Variants in TP73 observed in about 807,000 individuals in gnomAD.
TP73 encodes the protein p53-like transcription factor.
In TP73, 25 loss-of-function variants were observed where a neutral mutation model predicts 62.5. That is an observed-to-expected ratio of 0.40 (90% CI 0.29 to 0.56). TP73 has a LOEUF of 0.56. Ranked by LOEUF, TP73 falls within the 20% of genes least tolerant of loss-of-function variation. The pLI is 0.46. For synonymous variants in TP73, 423 were observed against 377.5 expected (o/e 1.12, Z -1.40); for missense variants, 754 against 913.3 (o/e 0.83, Z 2.25).
At chr1:3,661,795 A>G (rs956078090) in intron 1 of TP73, among the ~76,000 whole-genome samples, 1 of 147,798 alleles carries the variant, frequency 6.8e-6, no homozygotes, top group Non-Finnish European at 1.5e-5. Flanking sequence ...ATATATACAT[A>G]CACTATATAT....
At chr1:3,722,929 ACCTGGCATGGGGCTGGACACCTCTCTGTG>A (rs2124482865) in intron 5 of TP73, among the ~76,000 whole-genome samples, 1 of 133,708 alleles carries the variant, frequency 7.5e-6, no homozygotes, top group South Asian at 2.5e-4. Context: ...ACCTCTCTGC[ACCTGGCATGGGGCTGGACACCTCTCTGTG>A]CCTGGCACAG....
intron 1 of TP73, among the ~76,000 whole-genome samples, chr1:3,667,166 A>G (rs1645137472): frequency 6.6e-6 from 1 of 152,142 alleles, no homozygotes. Flanking sequence ...GGATTGTCCC[A>G]GGGCCTCCAG....
Position 3,672,128 on chromosome 1 carries a change from A to T in TP73, c.-33-10205A>T, listed in dbSNP as rs1164621587. On this transcript the variant is annotated intron_variant, in intron 1 of 13. Coordinates refer to ENST00000378295, the MANE Select transcript of TP73 (RefSeq NM_005427.4). This position sits in a 1 kb window ranked among gnomAD's most constrained non-coding sequence, Gnocchi z 5.3. Reference sequence around the variant, plus strand: ...AGCGGGCGTGTCCCAGACCCCTTAGAGAAAAGCCCAGAGCCAGGGGTGAGG... The same window carrying T: ...AGCGGGCGTGTCCCAGACCCCTTAGTGAAAAGCCCAGAGCCAGGGGTGAGG... Among the ~76,000 whole-genome samples the T allele has an allele frequency of 2.0e-5, 3 of 151,982 alleles. No individual in the cohort carries two copies. The highest frequency in any genetic ancestry group is 4.8e-5 in the African/African-American group (2 of 41,368).
chr1:3,709,297 C>A (rs562233729), intron 4 of TP73, among the ~76,000 whole-genome samples: 7 of 152,302 alleles, frequency 4.6e-5, no homozygotes, highest in East Asian at 1.9e-4. Context: ...GGGCAGAGGA[C>A]CTGGCACCTC....
chr1:3,734,280 GAC>G lies in TP73; in HGVS notation c.*1203_*1204del, dbSNP rs1381696543. The G allele has an allele frequency of 2.6e-5, 4 of 152,262 alleles. No homozygotes were observed. The East Asian group carries it at 7.7e-4, about 29-fold the overall frequency. The allele number at this position is 152,262 out of a possible 1,614,324, so 9.4% of individuals were successfully genotyped here. ...CCAGGGAGTTAGTAGGCCCCGGGGAGACAGAGTCTGCACAGGCCCTTTCTGGG... is the reference window on the plus strand; with the variant it reads ...CCAGGGAGTTAGTAGGCCCCGGGGAGAGAGTCTGCACAGGCCCTTTCTGGG... On this transcript the variant is annotated 3_prime_UTR_variant, in exon 14 of 14. Transcript: ENST00000378295. The surrounding 1 kb of genome is among the most constrained non-coding windows in gnomAD (Gnocchi z 4.4).
chr1:3,715,915 G>A (rs1049198559), intron 4 of TP73, among the ~76,000 whole-genome samples: 12 of 152,320 alleles, frequency 7.9e-5, no homozygotes, highest in African/African-American at 2.6e-4. Context: ...TGCATGGGAC[G>A]AGGATCGAGC....
Position 3,672,528 on chromosome 1 carries a change from T to C in TP73, c.-33-9805T>C, listed in dbSNP as rs1645264811. 6.6e-6 allele frequency among the ~76,000 whole-genome samples: 1 copy of C among 152,028 alleles called. No homozygotes were observed. The highest frequency in any genetic ancestry group is 2.4e-5 in the African/African-American group (1 of 41,364). On this transcript the variant is annotated intron_variant, in intron 1 of 13. Coordinates refer to ENST00000378295, the MANE Select transcript of TP73 (RefSeq NM_005427.4). The surrounding 1 kb of genome is among the most constrained non-coding windows in gnomAD (Gnocchi z 5.3). ...AGGGCAGCGCTGTACTCATCACCTG[T>C]GAACACAGGTATCGACTCAGACACC...
At chr1:3,724,650 A>T (rs1641358385) in intron 6 of TP73, among the ~76,000 whole-genome samples, 1 of 152,220 alleles carries the variant, frequency 6.6e-6, no homozygotes, top group Admixed American at 6.5e-5. Context: ...CAAACCCCTA[A>T]TAGCTTTTGT....
At position 3,666,784 on chromosome 1, in the gene TP73, T is replaced by C. The variant is rs1645124774; in HGVS notation, c.-34+14143T>C. Among the ~76,000 whole-genome samples the C allele has an allele frequency of 6.6e-6, 1 of 152,232 alleles. No homozygotes were observed. Among genetic ancestry groups the C allele is most frequent in the South Asian group, 2.1e-4 (1 of 4,830 alleles). On this transcript the variant is annotated intron_variant, in intron 1 of 13. Transcript: ENST00000378295. The surrounding 1 kb of genome is among the most constrained non-coding windows in gnomAD (Gnocchi z 6.4). ...TCTGAGCAGACGCGACTCAGTGCCA[T>C]GCGGGCGTCTCTCCCAGGGCGGCTT...
In TP73 at chr1:3,689,090, C is replaced by T. The variant is rs557984617; in HGVS notation, c.186+5910C>T. Among the ~76,000 whole-genome samples the T allele has an allele frequency of 5.9e-5, 9 of 152,220 alleles. No individual in the cohort carries two copies. The South Asian group carries it at 1.9e-3, about 32-fold the overall frequency. On this transcript the variant is annotated intron_variant, in intron 3 of 13. Coordinates refer to ENST00000378295, the MANE Select transcript of TP73 (RefSeq NM_005427.4). ...GAGGGTCTGTCCATCCCTGGGGAGC[C>T]CGCCCCCAACCCAAGAGGGGTCCCA... is the stretch of plus-strand genomic sequence containing the variant.
At chr1:3,658,423 G>A (rs551049392) in intron 1 of TP73, among the ~76,000 whole-genome samples, 7 of 152,256 alleles carry the variant, frequency 4.6e-5, no homozygotes, top group South Asian at 2.1e-4. Context: ...AGATGGGAGC[G>A]GTGCAGATGT....
intron 3 of TP73, among the ~76,000 whole-genome samples, chr1:3,685,254 C>T (rs1557508403): frequency 6.6e-6 from 1 of 152,280 alleles, no homozygotes; most frequent in African/African-American, 2.4e-5. Context: ...GCGTGCTTGT[C>T]CTCCCCAGCC....
At chr1:3,700,806 G>A (rs987378211) in intron 3 of TP73, among the ~76,000 whole-genome samples, 2 of 151,798 alleles carry the variant, frequency 1.3e-5, no homozygotes, top group South Asian at 2.1e-4. Flanking sequence ...CACTTGAGAC[G>A]GTTTACACAT....
chr1:3,656,073 G>A (rs1317940249), intron 1 of TP73, among the ~76,000 whole-genome samples: 5 of 152,138 alleles, frequency 3.3e-5, no homozygotes, highest in African/African-American at 1.2e-4. Context: ...CTACCCAGGA[G>A]GCTGAGGCAG....
intron 3 of TP73, among the ~76,000 whole-genome samples, chr1:3,706,382 G>A (rs953603429): frequency 6.7e-6 from 1 of 148,814 alleles, no homozygotes; most frequent in Non-Finnish European, 1.5e-5. Context: ...CCGGGGAGGG[G>A]GGTAATAGGG....
intron 4 of TP73, among the ~76,000 whole-genome samples, chr1:3,717,174 G>A (rs997847714): frequency 6.6e-6 from 1 of 152,228 alleles, no homozygotes; most frequent in Admixed American, 6.5e-5. Flanking sequence ...AAACCTGCCC[G>A]TGCCGGGCAC....
chr1:3,726,018 TGTGGG>T (rs1641531773), intron 6 of TP73, among the ~76,000 whole-genome samples: 1 of 31,590 alleles, frequency 3.2e-5, no homozygotes, highest in Non-Finnish European at 5.7e-5. Context: ...ATGGGGTGGG[TGTGGG>T]GGTGGATGTG....
At chr1:3,674,805 C>T (rs1268404005) in intron 1 of TP73, among the ~76,000 whole-genome samples, 5 of 152,310 alleles carry the variant, frequency 3.3e-5, no homozygotes, top group Middle Eastern at 3.4e-3. Flanking sequence ...GCTCTGATGA[C>T]GCCCTGCAGG....
chr1:3,667,411 G>A (rs1645143536), intron 1 of TP73, among the ~76,000 whole-genome samples: 1 of 152,238 alleles, frequency 6.6e-6, no homozygotes, highest in African/African-American at 2.4e-5. Flanking sequence ...AAAACAGACA[G>A]TGCGCACATC....
Sources: allele counts gnomAD v4.1 joint callset (sites outside exome capture counted in the v4.1 genomes callset), GRCh38; gene constraint gnomAD v4.1.1; non-coding constraint Gnocchi (gnomAD v3.1); transcripts MANE v1.5; gene names NCBI Gene and HGNC (gene_info 2026-07-23, HGNC 2026-07-21).